The following LPP variants were observed in gnomAD, a reference collection of about 807,000 sequenced individuals.
LPP encodes LIM domain containing preferred translocation partner in lipoma.
LPP carries 38 observed loss-of-function variants against 60.4 expected under a neutral mutation model. The observed-to-expected ratio is 0.63, with a 90% confidence interval of 0.49 to 0.83. The LOEUF is 0.83. Among genes scored for constraint, LPP ranks in the 40% least tolerant of loss-of-function variants. LPP has a pLI of 0.00. For synonymous variants in LPP, 328 were observed against 290.8 expected (o/e 1.13, Z -1.30); for missense variants, 902 against 783.6 (o/e 1.15, Z -1.80).
At position 188,443,015 on chromosome 3, in the gene LPP, A is replaced by T. The variant is rs57605769; in HGVS notation, c.193+36702A>T. Among the ~76,000 whole-genome samples, 1,303 of 152,146 alleles carry T rather than the reference A, an allele frequency of 8.6e-3. 13 individuals carry two copies. Among genetic ancestry groups the T allele is most frequent in the African/African-American group, 0.03 (1,255 of 41,518 alleles). On this transcript the variant is annotated intron_variant, in intron 4 of 11. Coordinates refer to ENST00000617246, the MANE Select transcript of LPP (RefSeq NM_001375462.1). ...ATAAAAAGCATTCTGAGACACACAA[A>T]TTTTTTTTCTGTTTTCAAAGGCAAG... is the stretch of plus-strand genomic sequence containing the variant.
chr3:188,179,931 G>T, intron 1 of LPP: 1 of 187,284 alleles, frequency 5.3e-6, no homozygotes, highest in Non-Finnish European at 1.1e-5. Flanking sequence ...GGGGGTTGTT[G>T]GTTGGGTCCA....
chr3:188,885,700 T>C lies in LPP; in HGVS notation c.*11221T>C, dbSNP rs1256959887. Reference sequence around the variant, plus strand: ...AATGGTATTTCTAGTTCTAGATCCCTGAGGAATCTCCACACTGACTTCCAC... The same window carrying C: ...AATGGTATTTCTAGTTCTAGATCCCCGAGGAATCTCCACACTGACTTCCAC... On this transcript the variant is annotated 3_prime_UTR_variant, in exon 12 of 12. Coordinates refer to ENST00000617246, the MANE Select transcript of LPP (RefSeq NM_001375462.1). The C allele has an allele frequency of 6.6e-6, 1 of 152,632 alleles. No homozygotes were observed. The highest frequency in any genetic ancestry group is 1.5e-5 in the Non-Finnish European group (1 of 68,300). The allele number at this position is 152,632 out of a possible 1,614,324, so 9.5% of individuals were successfully genotyped here. A position where few individuals can be genotyped will look rare whatever the true frequency, so the allele number is the denominator to read the frequency against.
intron 4 of LPP, among the ~76,000 whole-genome samples, chr3:188,450,989 G>A (rs1016627104): frequency 6.6e-6 from 1 of 152,068 alleles, no homozygotes; most frequent in African/African-American, 2.4e-5. Context: ...TGGCTGTGGG[G>A]AGGGTGCTTG....
rs906417547 is a variant in LPP at position 188,352,958 on chromosome 3, G to C, written c.-10+11239G>C. Reference sequence around the variant, plus strand: ...GTTTCTTATCAGATTCCGCAGATGGGTTCCTTGAGAAGTGAGTGCTTAAAG... The same window carrying C: ...GTTTCTTATCAGATTCCGCAGATGGCTTCCTTGAGAAGTGAGTGCTTAAAG... On this transcript the variant is annotated intron_variant, in intron 3 of 11. Coordinates refer to ENST00000617246, the MANE Select transcript of LPP (RefSeq NM_001375462.1). The surrounding 1 kb of genome is among the most constrained non-coding windows in gnomAD (Gnocchi z 4.4). 6.6e-6 allele frequency among the ~76,000 whole-genome samples: 1 copy of C among 152,166 alleles called. No individual in the cohort carries two copies. Among genetic ancestry groups the C allele is most frequent in the African/African-American group, 2.4e-5 (1 of 41,434 alleles).
intron 7 of LPP, among the ~76,000 whole-genome samples, chr3:188,703,045 G>C (rs749726653): frequency 6.6e-6 from 1 of 152,184 alleles, no homozygotes; most frequent in African/African-American, 2.4e-5. Flanking sequence ...TCCAGAAATA[G>C]GATTACATGT....
At chr3:188,612,399 T>C (rs930792509) in intron 7 of LPP, among the ~76,000 whole-genome samples, 18 of 152,208 alleles carry the variant, frequency 1.2e-4, no homozygotes, top group Non-Finnish European at 1.5e-5. Flanking sequence ...AGGACCTTAT[T>C]GTCCTTATAT....
intron 2 of LPP, among the ~76,000 whole-genome samples, chr3:188,316,447 A>T (rs1269677762): frequency 6.6e-6 from 1 of 151,084 alleles, no homozygotes; most frequent in African/African-American, 2.4e-5. Context: ...TGGAAGAAAA[A>T]AAAAATAAGA....
At position 188,771,260 on chromosome 3, in the gene LPP, A is replaced by G. The variant is rs142120431; in HGVS notation, c.1410+10978A>G. Reference sequence around the variant, plus strand: ...TCTTATCAAAAAAAATTTAAAAAGAAAAAAGAGGCCGGGCACAGTAGCTCA... The same window carrying G: ...TCTTATCAAAAAAAATTTAAAAAGAGAAAAGAGGCCGGGCACAGTAGCTCA... On this transcript the variant is annotated intron_variant, in intron 9 of 11. Coordinates refer to ENST00000617246, the MANE Select transcript of LPP (RefSeq NM_001375462.1). Among the ~76,000 whole-genome samples, 3 of 152,260 alleles carry G rather than the reference A, an allele frequency of 2.0e-5. No homozygotes were observed. In the East Asian group the frequency reaches 5.8e-4, roughly 29 times the overall value.
intron 1 of LPP, among the ~76,000 whole-genome samples, chr3:188,215,520 A>G (rs1386228977): frequency 6.6e-6 from 1 of 152,124 alleles, no homozygotes; most frequent in African/African-American, 2.4e-5. Context: ...TCTAAGTGGA[A>G]TCATACCGTA....
At chr3:188,528,352 T>C (rs1579667132) in intron 6 of LPP, among the ~76,000 whole-genome samples, 1 of 152,068 alleles carries the variant, frequency 6.6e-6, no homozygotes, top group Admixed American at 6.6e-5. Context: ...GCTTTTTTTT[T>C]AAACGGAGCT....
At chr3:188,327,545 G>T (rs1195037381) in intron 2 of LPP, among the ~76,000 whole-genome samples, 3 of 152,182 alleles carry the variant, frequency 2.0e-5, no homozygotes, top group Non-Finnish European at 2.9e-5. Context: ...AGCAGTAGTG[G>T]AGTCTGAATT....
chr3:188,191,146 C>T (rs1276871373), intron 1 of LPP, among the ~76,000 whole-genome samples: 1 of 152,212 alleles, frequency 6.6e-6, no homozygotes, highest in African/African-American at 2.4e-5. Context: ...GTGAGAATCA[C>T]TTGAACCCAG....
intron 8 of LPP, among the ~76,000 whole-genome samples, chr3:188,735,540 C>T (rs1374972610): frequency 6.6e-6 from 1 of 151,820 alleles, no homozygotes; most frequent in Non-Finnish European, 1.5e-5. Context: ...TGCCACCGTG[C>T]CCGGCTAATT....
intron 9 of LPP, among the ~76,000 whole-genome samples, chr3:188,854,854 G>T (rs1300126937): frequency 6.6e-6 from 1 of 152,176 alleles, no homozygotes; most frequent in Non-Finnish European, 1.5e-5. Context: ...ATCTTGGCAG[G>T]GTTGAGTTTC....
At chr3:188,625,913 A>G (rs993695391) in intron 7 of LPP, among the ~76,000 whole-genome samples, 5 of 152,212 alleles carry the variant, frequency 3.3e-5, no homozygotes, top group African/African-American at 1.2e-4. Flanking sequence ...TTAAATGGAA[A>G]GCATTTGTAA....
At chr3:188,438,110 A>G (rs972071938) in intron 4 of LPP, among the ~76,000 whole-genome samples, 7 of 152,094 alleles carry the variant, frequency 4.6e-5, no homozygotes, top group African/African-American at 1.7e-4. Context: ...TGGATATAAT[A>G]TCCTTTTGGA....
At chr3:188,412,601 A>C (rs1234657539) in intron 4 of LPP, among the ~76,000 whole-genome samples, 1 of 152,210 alleles carries the variant, frequency 6.6e-6, no homozygotes, top group African/African-American at 2.4e-5. Context: ...TAGGGCTCTT[A>C]CGAATTTTAA....
At chr3:188,346,270 T>C (rs1764344369) in intron 3 of LPP, among the ~76,000 whole-genome samples, 1 of 138,852 alleles carries the variant, frequency 7.2e-6, no homozygotes, top group Admixed American at 7.1e-5. Context: ...TTTTTTTTTT[T>C]TTTTTTTGAG....
intron 2 of LPP, among the ~76,000 whole-genome samples, chr3:188,228,791 A>G (rs1718779215): frequency 6.6e-6 from 1 of 152,160 alleles, no homozygotes; most frequent in South Asian, 2.1e-4. Flanking sequence ...TATTTTTTTG[A>G]TCTGAGAATT....
Sources: allele counts gnomAD v4.1 joint callset (sites outside exome capture counted in the v4.1 genomes callset), GRCh38; gene constraint gnomAD v4.1.1; non-coding constraint Gnocchi (gnomAD v3.1); transcripts MANE v1.5; gene names NCBI Gene and HGNC (gene_info 2026-07-23, HGNC 2026-07-21).